PRELP: variants seen among roughly 807,000 people sequenced by gnomAD.
PRELP encodes the protein prolargin.
PRELP carries 16 observed loss-of-function variants against 22.8 expected under a neutral mutation model. That is an observed-to-expected ratio of 0.70 (90% CI 0.47 to 1.06). The LOEUF is 1.06. Ranked by LOEUF, PRELP falls within the 50% of genes least tolerant of loss-of-function variation. The pLI, the probability that PRELP is intolerant of heterozygous loss-of-function variation, is 0.00. For synonymous variants in PRELP, 233 were observed against 211.4 expected (o/e 1.10, Z -0.89); for missense variants, 434 against 485.2 (o/e 0.89, Z 0.99).
chr1:203,483,648 T>C lies in PRELP; in HGVS notation c.464T>C (p.Leu155Pro), dbSNP rs1661046605. ...GAGAAACTGCCCGGCCTGGTGTTCC[T>C]CTACATGGAGAAGAACCAGTTGGAA... The part of the protein sequence containing the change: ...VLEKLPGLVF[L>P]YMEKNQLEEV... The change falls in exon 2 of 3, where the codon CTC becomes CCC. Residue 155 changes from leucine to proline, a missense_variant. Physicochemically the swap from Leu to Pro is moderately conservative, Grantham distance 98. Transcript: ENST00000343110. The surrounding 1 kb of genome is among the most constrained non-coding windows in gnomAD (Gnocchi z 4.4). 6.2e-7 allele frequency: 1 copy of C among 1,614,050 alleles called. No homozygotes were observed. Among genetic ancestry groups the C allele is most frequent in the African/African-American group, 1.3e-5 (1 of 74,914 alleles).
At chr1:203,479,052 G>A (rs1660956500) in intron 1 of PRELP, among the ~76,000 whole-genome samples, 1 of 152,172 alleles carries the variant, frequency 6.6e-6, no homozygotes, top group Non-Finnish European at 1.5e-5. Context: ...CCGGCACAGC[G>A]CTAGGTCAGA....
At chr1:203,476,187 T>G (rs972373930) in intron 1 of PRELP, among the ~76,000 whole-genome samples, 1 of 152,210 alleles carries the variant, frequency 6.6e-6, no homozygotes, top group East Asian at 1.9e-4. Context: ...CTGCTGCAGA[T>G]GTTTGTTGTA....
At chr1:203,478,892 G>A (rs996607545) in intron 1 of PRELP, among the ~76,000 whole-genome samples, 4 of 152,130 alleles carry the variant, frequency 2.6e-5, no homozygotes, top group African/African-American at 7.2e-5. Flanking sequence ...TACTAACTCT[G>A]CTCATAAATT....
At chr1:203,480,262 C>T (rs3766909) in intron 1 of PRELP, among the ~76,000 whole-genome samples, 10,676 of 152,212 alleles carry the variant, frequency 0.07, 544 homozygotes, top group East Asian at 0.2. Context: ...GTCAACAAAC[C>T]TTCACTGATT....
At chr1:203,481,537 T>C (rs992426397) in intron 1 of PRELP, among the ~76,000 whole-genome samples, 12 of 152,150 alleles carry the variant, frequency 7.9e-5, no homozygotes, top group African/African-American at 2.7e-4. Flanking sequence ...AACTGCAAGG[T>C]CCTTTGTGAT....
At chr1:203,482,721 C>T (rs113560647) in intron 1 of PRELP, among the ~76,000 whole-genome samples, 5,154 of 151,396 alleles carry the variant, frequency 0.034, 296 homozygotes, top group African/African-American at 0.12. Context: ...CCTCAGCCTC[C>T]CAAGTAGCTG....
At chr1:203,477,707 T>C (rs1209350158) in intron 1 of PRELP, among the ~76,000 whole-genome samples, 1 of 127,254 alleles carries the variant, frequency 7.9e-6, no homozygotes, top group Non-Finnish European at 1.7e-5. Context: ...GAGTGAAGCA[T>C]TTCAAGGCTG....
intron 2 of PRELP, 61 bp from the exon 3 acceptor site, chr1:203,486,645 C>T (rs960358614): frequency 1.5e-5 from 22 of 1,497,716 alleles, no homozygotes; most frequent in Admixed American, 6.9e-5. Context: ...CCCCCTTCCC[C>T]TTCCTCATCT....
chr1:203,483,073 C>G lies in PRELP; in HGVS notation c.-16-96C>G. 1 of 1,017,550 alleles carries G rather than the reference C, an allele frequency of 9.8e-7. No individual in the cohort carries two copies. Among genetic ancestry groups the G allele is most frequent in the Non-Finnish European group, 1.5e-6 (1 of 686,404 alleles). The allele number at this position is 1,017,550 out of a possible 1,614,324, so 63.0% of individuals were successfully genotyped here. A position where few individuals can be genotyped will look rare whatever the true frequency, so the allele number is the denominator to read the frequency against. On this transcript the variant is annotated intron_variant, in intron 1 of 2. Transcript: ENST00000343110. This position sits in a 1 kb window ranked among gnomAD's most constrained non-coding sequence, Gnocchi z 4.4. ...GCTCCCTGAGCTCTGCCCATCTTCC[C>G]TAGAGCTCTAGTTCTGCCCAACTCT...
chr1:203,481,017 G>GCCCCA (rs1338741972), intron 1 of PRELP, among the ~76,000 whole-genome samples: 3 of 147,142 alleles, frequency 2.0e-5, no homozygotes, highest in Admixed American at 6.8e-5. Flanking sequence ...AGGAAACCCC[G>GCCCCA]CCCCGCCCAG....
intron 1 of PRELP, among the ~76,000 whole-genome samples, chr1:203,477,799 T>C (rs1660938184): frequency 6.6e-6 from 1 of 152,156 alleles, no homozygotes; most frequent in Non-Finnish European, 1.5e-5. Flanking sequence ...GCACCTTCTG[T>C]GGCCAGTGTC....
In PRELP at chr1:203,488,519, CAAAAA is replaced by C. The variant is rs1033545878; in HGVS notation, c.*1640_*1644del. 13 of 150,974 alleles carry C rather than the reference CAAAAA, an allele frequency of 8.6e-5. No homozygotes were observed. Among genetic ancestry groups the C allele is most frequent in the African/African-American group, 2.2e-4 (9 of 41,032 alleles). 9.4% of individuals were successfully genotyped at this position (150,974 alleles called of 1,614,324 possible). A position where few individuals can be genotyped will look rare whatever the true frequency, so the allele number is the denominator to read the frequency against. On this transcript the variant is annotated 3_prime_UTR_variant, in exon 3 of 3. Transcript: ENST00000343110. Reference sequence around the variant, plus strand: ...TGGGCGACAGAGTGAGACTCCGTCTCAAAAAAGAAAAAAAAAAGATGCTCCTCTGA... The same window carrying C: ...TGGGCGACAGAGTGAGACTCCGTCTCAGAAAAAAAAAAGATGCTCCTCTGA...
rs1317110896 is a variant in PRELP, at chr1:203,490,601, T to A, written c.*3720T>A. 1.3e-5 allele frequency: 2 copies of A among 152,354 alleles called. No individual in the cohort carries two copies. Among genetic ancestry groups the A allele is most frequent in the South Asian group, 4.1e-4 (2 of 4,826 alleles). 9.4% of individuals were successfully genotyped at this position (152,354 alleles called of 1,614,324 possible). A position where few individuals can be genotyped will look rare whatever the true frequency, so the allele number is the denominator to read the frequency against. ...AGAGCCATCTCAAGGACAGAGAGCATAGACCAAGTCATCTGGAATGGTCTA... is the reference window on the plus strand; with the variant it reads ...AGAGCCATCTCAAGGACAGAGAGCAAAGACCAAGTCATCTGGAATGGTCTA... On this transcript the variant is annotated 3_prime_UTR_variant, in exon 3 of 3. Coordinates refer to ENST00000343110, the MANE Select transcript of PRELP (RefSeq NM_002725.4).
rs1397877716 is a variant in PRELP, at chr1:203,487,803, G to T, written c.*922G>T. ...CCATCTGTTCTCCATCAGTGTGCGC[G>T]GCCCAGCCATTTCCACCCTCGGGAG... On this transcript the variant is annotated 3_prime_UTR_variant, in exon 3 of 3. Transcript: ENST00000343110. The T allele has an allele frequency of 1.3e-5, 2 of 152,224 alleles. No individual in the cohort carries two copies. The highest frequency in any genetic ancestry group is 2.4e-5 in the African/African-American group (1 of 41,462). 9.4% of individuals were successfully genotyped at this position (152,224 alleles called of 1,614,324 possible). A position where few individuals can be genotyped will look rare whatever the true frequency, so the allele number is the denominator to read the frequency against.
rs1661152969 is a variant in PRELP at position 203,489,403 on chromosome 1, G to C, written c.*2522G>C. On this transcript the variant is annotated 3_prime_UTR_variant, in exon 3 of 3. Coordinates refer to ENST00000343110, the MANE Select transcript of PRELP (RefSeq NM_002725.4). ...CCTCCAAACACACACAGAATGGGCT[G>C]GTTTCTTTCAAGTTTAAAAAAAGCC... 6.6e-6 allele frequency: 1 copy of C among 152,148 alleles called. No individual in the cohort carries two copies. The highest frequency in any genetic ancestry group is 1.5e-5 in the Non-Finnish European group (1 of 68,032). The allele number at this position is 152,148 out of a possible 1,614,324, so 9.4% of individuals were successfully genotyped here.
In PRELP at chr1:203,483,546, C is replaced by A. The variant is rs1444993851; in HGVS notation, c.362C>A (p.Ser121Tyr). The A allele has an allele frequency of 6.2e-7, 1 of 1,614,246 alleles. No individual in the cohort carries two copies. The highest frequency in any genetic ancestry group is 1.7e-5 in the Admixed American group (1 of 60,032). The change falls in exon 2 of 3, where the codon TCC becomes TAC. Residue 121 changes from serine to tyrosine, a missense_variant. Transcript: ENST00000343110. This position sits in a 1 kb window ranked among gnomAD's most constrained non-coding sequence, Gnocchi z 4.4. Reference sequence around the variant, plus strand: ...TTCATCACTGAGCTCCCGGTGGAGTCCTTCCAGAATGCCACAGGCCTGCGA... The same window carrying A: ...TTCATCACTGAGCTCCCGGTGGAGTACTTCCAGAATGCCACAGGCCTGCGA... ...NNFITELPVESFQNATGLRWI... is the reference protein window; with the variant it reads ...NNFITELPVEYFQNATGLRWI...
Position 203,487,163 on chromosome 1 carries a change from A to C in PRELP, c.*282A>C. The C allele has an allele frequency of 2.9e-6, 1 of 342,276 alleles. No individual in the cohort carries two copies. Among genetic ancestry groups the C allele is most frequent in the Non-Finnish European group, 5.4e-6 (1 of 186,792 alleles). 21.2% of individuals were successfully genotyped at this position (342,276 alleles called of 1,614,324 possible). ...TCCAGAAACACAGATGTGTCTAAAG[A>C]CTTGGTGTCCCCTTCTCTCTCCTCC... On this transcript the variant is annotated 3_prime_UTR_variant, in exon 3 of 3. Transcript: ENST00000343110.
intron 1 of PRELP, among the ~76,000 whole-genome samples, chr1:203,479,706 C>CG (rs1491556722): frequency 3.8e-5 from 2 of 52,490 alleles, no homozygotes; most frequent in Non-Finnish European, 6.9e-5. Flanking sequence ...CCTGTATCAC[C>CG]AAAAAAAAAA....
intron 2 of PRELP, among the ~76,000 whole-genome samples, chr1:203,485,443 G>A (rs1661076755): frequency 6.6e-6 from 1 of 152,160 alleles, no homozygotes; most frequent in Middle Eastern, 3.2e-3. Flanking sequence ...CCGACAGAAT[G>A]GGCTGAGTGG....
Sources: allele counts gnomAD v4.1 joint callset (sites outside exome capture counted in the v4.1 genomes callset), GRCh38; gene constraint gnomAD v4.1.1; non-coding constraint Gnocchi (gnomAD v3.1); transcripts MANE v1.5; gene names NCBI Gene and HGNC (gene_info 2026-07-23, HGNC 2026-07-21).